PRLR: variants seen among roughly 807,000 people sequenced by gnomAD.
The protein encoded by PRLR is hPRL receptor.
Under a neutral mutation model 40.2 loss-of-function variants are expected in PRLR, and 13 were observed. That is an observed-to-expected ratio of 0.32 (90% CI 0.21 to 0.51). The LOEUF is 0.51. Ranked by LOEUF, PRLR falls within the 20% of genes least tolerant of loss-of-function variation. The pLI, the probability that PRLR is intolerant of heterozygous loss-of-function variation, is 0.97. For synonymous variants in PRLR, 269 were observed against 278.7 expected, an observed-to-expected ratio of 0.97 and a Z score of 0.35; for missense variants, 656 against 747.3, an observed-to-expected ratio of 0.88 and a Z score of 1.42.
At chr5:35,073,937 T>C (rs1354163242) in intron 5 of PRLR, among the ~76,000 whole-genome samples, 1 of 152,174 alleles carries the variant, frequency 6.6e-6, no homozygotes, top group Non-Finnish European at 1.5e-5. Context: ...TCAATACTGC[T>C]GGTAGGAATG....
At position 35,056,754 on chromosome 5, in the gene PRLR, T is replaced by A. The variant is rs1490790305; in HGVS notation, c.*8335A>T. The A allele has an allele frequency of 2.0e-5, 3 of 152,084 alleles. No individual in the cohort carries two copies. Among genetic ancestry groups the A allele is most frequent in the African/African-American group, 7.2e-5 (3 of 41,408 alleles). 9.4% of individuals were successfully genotyped at this position (152,084 alleles called of 1,614,324 possible). A position where few individuals can be genotyped will look rare whatever the true frequency, so the allele number is the denominator to read the frequency against. Reference sequence around the variant, plus strand: ...TAAAAATATAAGAGGGCCCAAGAATTAAAGGCAGTTGGCTTCAATATAAGC... The same window carrying A: ...TAAAAATATAAGAGGGCCCAAGAATAAAAGGCAGTTGGCTTCAATATAAGC... On this transcript the variant is annotated 3_prime_UTR_variant, in exon 10 of 10. Coordinates refer to ENST00000618457, the MANE Select transcript of PRLR (RefSeq NM_000949.7).
chr5:35,109,120 G>T (rs531996258), intron 2 of PRLR, among the ~76,000 whole-genome samples: 1 of 152,308 alleles, frequency 6.6e-6, no homozygotes, highest in South Asian at 2.1e-4. Flanking sequence ...ATGGGGAAAG[G>T]ATTCTCTATT....
rs569930398 is a variant in PRLR, at chr5:35,104,618, C to T, written c.-44+13443G>A. Among the ~76,000 whole-genome samples the T allele has an allele frequency of 2.0e-5, 3 of 152,284 alleles. No homozygotes were observed. In the South Asian group the frequency reaches 6.2e-4, roughly 32 times the overall value. On this transcript the variant is annotated intron_variant, in intron 2 of 9. Transcript: ENST00000618457. ...GGTCCTATGCCCACGGAGCCTCGCT[C>T]ACTGCTAGCACAGCAGTCTGAGATC... is the stretch of plus-strand genomic sequence containing the variant.
chr5:35,079,665 CTT>C (rs1048014478), intron 5 of PRLR, among the ~76,000 whole-genome samples: 1 of 151,940 alleles, frequency 6.6e-6, no homozygotes, highest in Admixed American at 6.6e-5. Context: ...CTACCAATGA[CTT>C]TCTTCACAGA....
At position 35,169,935 on chromosome 5, in the gene PRLR, G is replaced by A. The variant is rs141989051; in HGVS notation, c.-105-51813C>T. ...CATCTACAGCATGAGTTTCCTGTGTGCTGCTTACTGTTTTCATATGAGGCT... is the reference window on the plus strand; with the variant it reads ...CATCTACAGCATGAGTTTCCTGTGTACTGCTTACTGTTTTCATATGAGGCT... On this transcript the variant is annotated intron_variant, in intron 1 of 9. Coordinates refer to ENST00000618457, the MANE Select transcript of PRLR (RefSeq NM_000949.7). Among the ~76,000 whole-genome samples, 105 of 152,270 alleles carry A rather than the reference G, an allele frequency of 6.9e-4. 1 individual carries two copies. Among genetic ancestry groups the A allele is most frequent in the East Asian group, 6.0e-3 (31 of 5,176 alleles).
In PRLR at chr5:35,084,346, C is replaced by T. The variant is rs59469491; in HGVS notation, c.373+124G>A. The T allele has an allele frequency of 2.7e-3, 2,561 of 940,086 alleles. 42 individuals are homozygous for T. In the African/African-American group the frequency reaches 0.039, roughly 14 times the overall value. The allele number at this position is 940,086 out of a possible 1,614,324, so 58.2% of individuals were successfully genotyped here. A position where few individuals can be genotyped will look rare whatever the true frequency, so the allele number is the denominator to read the frequency against. ...TGAACTGTTCTGTTGACAAGCATAT[C>T]GTGAGTTTTCTCATCTTTCTTTTTG... On this transcript the variant is annotated intron_variant, in intron 5 of 9. Transcript: ENST00000618457.
Position 35,065,458 on chromosome 5 carries a change from G to A in PRLR, c.1500C>T (p.Pro500=), listed in dbSNP as rs1769300334. The part of the protein sequence containing the change: ...TPWLLPQEKT[P]FGSAKPLDYV... ...AATCCAAGGGTTTAGCGGAGCCAAA[G>A]GGGGTTTTCTCCTGGGGCAGCAGCC... Residue 500 remains proline, a synonymous_variant, in exon 10 of 10, where the codon CCC becomes CCT. Coordinates refer to ENST00000618457, the MANE Select transcript of PRLR (RefSeq NM_000949.7). 6.2e-7 allele frequency: 1 copy of A among 1,614,172 alleles called. No individual in the cohort carries two copies. Among genetic ancestry groups the A allele is most frequent in the Non-Finnish European group, 8.5e-7 (1 of 1,180,038 alleles).
chr5:35,191,475 T>C (rs1249434200), intron 1 of PRLR, among the ~76,000 whole-genome samples: 3 of 152,168 alleles, frequency 2.0e-5, no homozygotes. Context: ...CTGAGGAACA[T>C]CATTTCTAGC....
At chr5:35,072,829 T>C in intron 5 of PRLR, 85 bp from the exon 6 acceptor site, 1 of 1,485,930 alleles carries the variant, frequency 6.7e-7, no homozygotes, top group Admixed American at 2.1e-5. Flanking sequence ...AATTCCTTTT[T>C]CTGTTTATCA....
chr5:35,092,663 C>T (rs936159813), intron 2 of PRLR, among the ~76,000 whole-genome samples: 1 of 152,146 alleles, frequency 6.6e-6, no homozygotes, highest in African/African-American at 2.4e-5. Flanking sequence ...CAATGAGGGG[C>T]CTCATCTTTT....
At chr5:35,179,012 A>C (rs1343828488) in intron 1 of PRLR, among the ~76,000 whole-genome samples, 3 of 152,138 alleles carry the variant, frequency 2.0e-5, no homozygotes, top group African/African-American at 7.2e-5. Context: ...TCCTTAACAT[A>C]AATTCTTTTG....
chr5:35,068,892 A>C lies in PRLR; in HGVS notation c.686-14T>G. On this transcript the variant is annotated splice_polypyrimidine_tract_variant and intron_variant, in intron 7 of 9. Transcript: ENST00000618457. The stretch of plus-strand genomic sequence containing the variant: ...TCATGGTGAAGTCTAAAAAACAAAC[A>C]GCCAGAAAGCTTTGATCACGTACAG... 6.3e-7 allele frequency: 1 copy of C among 1,581,394 alleles called. No homozygotes were observed.
intron 1 of PRLR, among the ~76,000 whole-genome samples, chr5:35,128,201 C>G (rs1202186754): frequency 6.6e-6 from 1 of 151,594 alleles, no homozygotes; most frequent in Admixed American, 6.6e-5. Context: ...GAATTGTATA[C>G]AGTTGTCCCT....
chr5:35,220,615 T>C lies in PRLR; in HGVS notation c.-106+9653A>G, dbSNP rs555443712. Among the ~76,000 whole-genome samples the C allele has an allele frequency of 2.3e-4, 35 of 152,286 alleles. No homozygotes were observed. The East Asian group carries it at 5.8e-3, about 25-fold the overall frequency. On this transcript the variant is annotated intron_variant, in intron 1 of 9. Transcript: ENST00000618457. ...TACTGGAATCTAAACTACACTAGAG[T>C]AGGAACTTCATCCTTCTATCTCCAG...
intron 1 of PRLR, among the ~76,000 whole-genome samples, chr5:35,162,263 C>CT (rs1774695366): frequency 6.6e-6 from 1 of 152,168 alleles, no homozygotes; most frequent in African/African-American, 2.4e-5. Flanking sequence ...ATTTTGTAAA[C>CT]TTCAATGTGA....
At chr5:35,222,887 C>T (rs762784928) in intron 1 of PRLR, among the ~76,000 whole-genome samples, 62 of 152,176 alleles carry the variant, frequency 4.1e-4, no homozygotes, top group Non-Finnish European at 7.8e-4. Context: ...ATTGCAGATG[C>T]TTATAAAATA....
chr5:35,216,424 T>A (rs1310541612), intron 1 of PRLR, among the ~76,000 whole-genome samples: 1 of 152,128 alleles, frequency 6.6e-6, no homozygotes, highest in East Asian at 1.9e-4. Context: ...TGGGGGCTTA[T>A]GTGGGGCATC....
At chr5:35,152,401 C>T (rs1031803866) in intron 1 of PRLR, among the ~76,000 whole-genome samples, 7 of 152,192 alleles carry the variant, frequency 4.6e-5, no homozygotes, top group Admixed American at 4.6e-4. Context: ...GCTATTACTA[C>T]ATTATAAGCA....
At chr5:35,141,239 A>G (rs1774016476) in intron 1 of PRLR, among the ~76,000 whole-genome samples, 1 of 152,018 alleles carries the variant, frequency 6.6e-6, no homozygotes, top group South Asian at 2.1e-4. Context: ...AATACCTGAA[A>G]AAAAAAAACA....
Sources: gnomAD v4.1 joint callset for allele counts (sites outside exome capture counted in the v4.1 genomes callset) on GRCh38, gnomAD v4.1.1 for gene constraint, MANE v1.5 for transcripts, NCBI Gene and HGNC (gene_info 2026-07-23, HGNC 2026-07-21) for gene names.